Variants in SHROOM3 observed in about 807,000 individuals in gnomAD.
SHROOM3 encodes protein Shroom3.
SHROOM3 carries 47 observed loss-of-function variants against 138.6 expected under a neutral mutation model. That is an observed-to-expected ratio of 0.34 (90% confidence interval 0.27 to 0.43). The LOEUF (loss-of-function observed/expected upper bound fraction) is 0.43. SHROOM3 is among the 20% of genes least tolerant of loss of function. The pLI is 1.00. For missense variants in SHROOM3, 2,491 were observed against 2,596.5 expected (o/e 0.96, Z 0.88); for synonymous variants, 1,062 against 1,063.3 (o/e 1.00, Z 0.02).
intron 2 of SHROOM3, among the ~76,000 whole-genome samples, chr4:76,646,363 C>T (rs1286529483): frequency 6.6e-6 from 1 of 151,400 alleles, no homozygotes; most frequent in Non-Finnish European, 1.5e-5. Context: ...CAGAAAACAT[C>T]GAATAGTTTT....
intron 7 of SHROOM3, 90 bp downstream of exon 7, chr4:76,755,282 C>G: frequency 2.8e-6 from 4 of 1,447,910 alleles, no homozygotes; most frequent in Non-Finnish European, 3.8e-6. Context: ...CACAGAAGAA[C>G]CCTGGCATGG....
At chr4:76,508,211 T>C (rs558197872) in intron 1 of SHROOM3, among the ~76,000 whole-genome samples, 136 of 152,332 alleles carry the variant, frequency 8.9e-4, no homozygotes, top group African/African-American at 3.2e-3. Context: ...CAGGTTTTTT[T>C]TGATATTTTA....
At chr4:76,453,841 T>G (rs1730975302) in intron 1 of SHROOM3, among the ~76,000 whole-genome samples, 1 of 152,222 alleles carries the variant, frequency 6.6e-6, no homozygotes, top group Admixed American at 6.5e-5. Flanking sequence ...CTTTTTACTC[T>G]GCGGATAGTG....
intron 3 of SHROOM3, among the ~76,000 whole-genome samples, chr4:76,729,420 G>GA (rs948895912): frequency 2.0e-3 from 288 of 147,410 alleles, no homozygotes; most frequent in African/African-American, 6.2e-3. Flanking sequence ...CTGACTGTTT[G>GA]AAAAAAAAAA....
chr4:76,715,557 T>C (rs1044750317), intron 3 of SHROOM3, among the ~76,000 whole-genome samples: 1 of 152,216 alleles, frequency 6.6e-6, no homozygotes, highest in African/African-American at 2.4e-5. Flanking sequence ...AGCCGATGCT[T>C]TTCTCCATAA....
chr4:76,464,595 G>T (rs906558469), intron 1 of SHROOM3, among the ~76,000 whole-genome samples: 2 of 152,106 alleles, frequency 1.3e-5, no homozygotes, highest in Non-Finnish European at 2.9e-5. Flanking sequence ...GAATGATATT[G>T]TTTGGATTTG....
chr4:76,669,611 A>G (rs1191951127), intron 2 of SHROOM3, among the ~76,000 whole-genome samples: 1 of 152,198 alleles, frequency 6.6e-6, no homozygotes, highest in Non-Finnish European at 1.5e-5. Flanking sequence ...TCTCAAAAAA[A>G]AAAAAAGAAT....
At chr4:76,686,126 GC>G (rs1267434831) in intron 2 of SHROOM3, among the ~76,000 whole-genome samples, 38 of 152,044 alleles carry the variant, frequency 2.5e-4, no homozygotes, top group African/African-American at 9.2e-4. Context: ...TCCTGCCTCA[GC>G]CTCCCTATTA....
intron 1 of SHROOM3, among the ~76,000 whole-genome samples, chr4:76,539,422 T>C (rs1334258435): frequency 6.6e-6 from 1 of 152,212 alleles, no homozygotes; most frequent in Non-Finnish European, 1.5e-5. Flanking sequence ...TAGTGTGCCA[T>C]GTTATGCTTC....
intron 2 of SHROOM3, among the ~76,000 whole-genome samples, chr4:76,604,039 C>A (rs1734567079): frequency 6.6e-6 from 1 of 151,850 alleles, no homozygotes; most frequent in African/African-American, 2.4e-5. Context: ...GTTGGCCAGG[C>A]TGGTCTCAAA....
intron 4 of SHROOM3, 94 bp downstream of exon 4, chr4:76,731,029 T>G: frequency 6.6e-7 from 1 of 1,516,218 alleles, no homozygotes; most frequent in South Asian, 1.1e-5. Flanking sequence ...AGAATGTTTT[T>G]TCTTATACTC....
chr4:76,622,082 C>T (rs1019129733), intron 2 of SHROOM3, among the ~76,000 whole-genome samples: 1 of 152,052 alleles, frequency 6.6e-6, no homozygotes, highest in Non-Finnish European at 1.5e-5. Context: ...CCACCCACCT[C>T]GGCCTCCCAA....
intron 2 of SHROOM3, among the ~76,000 whole-genome samples, chr4:76,565,589 C>A (rs918134067): frequency 7.9e-5 from 12 of 152,124 alleles, no homozygotes; most frequent in African/African-American, 2.7e-4. Context: ...ATCAAGTGAT[C>A]CTCCTACTTC....
chr4:76,518,008 A>AT (rs554415499), intron 1 of SHROOM3, among the ~76,000 whole-genome samples: 15 of 152,170 alleles, frequency 9.9e-5, no homozygotes, highest in African/African-American at 9.6e-5. Context: ...TCTAAATCAG[A>AT]TTTTTTTTAG....
chr4:76,613,441 A>AT (rs1489042789), intron 2 of SHROOM3, among the ~76,000 whole-genome samples: 1 of 152,196 alleles, frequency 6.6e-6, no homozygotes, highest in Non-Finnish European at 1.5e-5. Flanking sequence ...TTTACCATGG[A>AT]TTGTTAGTGT....
intron 2 of SHROOM3, among the ~76,000 whole-genome samples, chr4:76,605,950 C>CATATATATATATACATATATATACACAT (rs34296741): frequency 5.1e-5 from 7 of 136,500 alleles, no homozygotes; most frequent in East Asian, 4.2e-4. Flanking sequence ...TATATATACA[C>CATATATATATATACATATATATACACAT]ATATATATAT....
intron 1 of SHROOM3, among the ~76,000 whole-genome samples, chr4:76,489,824 G>A (rs921223838): frequency 4.6e-5 from 7 of 152,162 alleles, no homozygotes; most frequent in East Asian, 3.8e-4. Flanking sequence ...TATGATGGTC[G>A]TAACTGCAAG....
intron 1 of SHROOM3, among the ~76,000 whole-genome samples, chr4:76,448,081 G>A (rs1312495727): frequency 1.3e-5 from 2 of 152,004 alleles, no homozygotes; most frequent in African/African-American, 4.8e-5. Context: ...TATTTATAGA[G>A]CATTATTTAT....
chr4:76,736,471 C>T (rs773873607), intron 4 of SHROOM3, among the ~76,000 whole-genome samples: 4 of 152,042 alleles, frequency 2.6e-5, no homozygotes, highest in African/African-American at 4.8e-5. Context: ...GTTTTGACTC[C>T]GAATATGGTT....
Sources: gnomAD v4.1 joint callset for allele counts (sites outside exome capture counted in the v4.1 genomes callset) on GRCh38, gnomAD v4.1.1 for gene constraint, MANE v1.5 for transcripts, NCBI Gene and HGNC (gene_info 2026-07-23, HGNC 2026-07-21) for gene names.